The following EFTUD2 variants were observed in gnomAD, a reference collection of about 807,000 sequenced individuals.
EFTUD2 encodes 116 kDa U5 small nuclear ribonucleoprotein component.
A neutral mutation model predicts 114.3 loss-of-function variants in EFTUD2; 9 were observed. The ratio of observed to expected loss-of-function variants is 0.08; its 90% CI spans 0.05 to 0.14. The LOEUF (loss-of-function observed/expected upper bound fraction) is 0.14, where lower values mean the gene tolerates loss of function less well. Ranked by LOEUF, EFTUD2 falls within the 10% of genes least tolerant of loss-of-function variation. The pLI, the probability that EFTUD2 is intolerant of heterozygous loss-of-function variation, is 1.00. For synonymous variants in EFTUD2, 449 were observed against 462.3 expected (o/e 0.97, Z 0.37); for missense variants, 765 against 1,241.2 (o/e 0.62, Z 5.76).
chr17:44,892,000 T>C (rs1234866363), intron 2 of EFTUD2: 2 of 152,168 alleles, frequency 1.3e-5, no homozygotes, highest in Non-Finnish European at 2.9e-5. Flanking sequence ...CCTCAAGTGA[T>C]CTGCCCGCTT....
intron 18 of EFTUD2, 69 bp downstream of exon 18, chr17:44,859,836 C>T (rs1327989206): frequency 1.3e-5 from 21 of 1,602,400 alleles, no homozygotes; most frequent in East Asian, 4.5e-5. Context: ...GGATGGGAAG[C>T]GGTGTGCAGC....
intron 10 of EFTUD2, chr17:44,872,987 A>G (rs2050882545): frequency 6.5e-6 from 1 of 153,800 alleles, no homozygotes; most frequent in African/African-American, 2.4e-5. Context: ...AATGAAGAAA[A>G]GCAACTCTGC....
chr17:44,868,173 TAAA>T (rs879181467), intron 12 of EFTUD2, 111 bp downstream of exon 12: 765 of 811,698 alleles, frequency 9.4e-4, no homozygotes, highest in South Asian at 1.6e-3. Flanking sequence ...TAGTTTACAT[TAAA>T]AAAAAAAAAA....
intron 15 of EFTUD2, 198 bp from the exon 16 acceptor site, chr17:44,863,104 TC>T (rs1403176482): frequency 0.017 from 4,034 of 239,510 alleles, 7 homozygotes; most frequent in African/African-American, 0.022. Flanking sequence ...AAAAATATTC[TC>T]CTCTTTTTTT....
At chr17:44,890,490 C>T (rs1164095432) in intron 2 of EFTUD2, among the ~76,000 whole-genome samples, 2 of 151,476 alleles carry the variant, frequency 1.3e-5, no homozygotes, top group Non-Finnish European at 2.9e-5. Flanking sequence ...GTTGGGAGTT[C>T]GAGACCAGTC....
rs980699734 is a variant in EFTUD2 at position 44,859,662 on chromosome 17, A to C, written c.1860+243T>G. On this transcript the variant is annotated intron_variant, in intron 18 of 27. Transcript: ENST00000426333. Reference sequence around the variant, plus strand: ...ATACGCACACACACACACACACACAACCTTGTCCTATACCCCCCATCACTG... The same window carrying C: ...ATACGCACACACACACACACACACACCCTTGTCCTATACCCCCCATCACTG... The C allele has an allele frequency of 1.8e-6, 1 of 568,344 alleles. No homozygotes were observed. The highest frequency in any genetic ancestry group is 3.1e-6 in the Non-Finnish European group (1 of 323,502). The allele number at this position is 568,344 out of a possible 1,614,324, so 35.2% of individuals were successfully genotyped here.
Position 44,862,778 on chromosome 17 carries a change from G to A in EFTUD2, c.1542C>T (p.Tyr514=), listed in dbSNP as rs749855263. 6.2e-7 allele frequency: 1 copy of A among 1,614,192 alleles called. No individual in the cohort carries two copies. The highest frequency in any genetic ancestry group is 8.5e-7 in the Non-Finnish European group (1 of 1,180,044). The change falls in exon 16 of 28, where the codon TAC becomes TAT. Residue 514 remains tyrosine, a synonymous_variant. Transcript: ENST00000426333. ...GQPVKVLGEN[Y]TLEDEEDSQI... is the part of the protein sequence containing the mutation. ...GGGAGTCTTCCTCATCCTCCAGGGT[G>A]TAGTTCTCCCCCAGTACCTTCACAG... is the stretch of plus-strand genomic sequence containing the variant.
At chr17:44,868,186 AAAAGT>A in intron 12 of EFTUD2, 96 bp downstream of exon 12, 1 of 1,170,468 alleles carries the variant, frequency 8.5e-7, no homozygotes, top group Non-Finnish European at 1.2e-6. Flanking sequence ...AAAAAAAAAA[AAAAGT>A]AGGTATTTAA....
intron 8 of EFTUD2, 92 bp downstream of exon 8, chr17:44,880,462 A>G: frequency 1.2e-6 from 1 of 869,366 alleles, no homozygotes; most frequent in Non-Finnish European, 1.8e-6. Flanking sequence ...GTAAAAACAA[A>G]GATGCACTGC....
At chr17:44,876,713 C>T (rs2050957528) in intron 9 of EFTUD2, among the ~76,000 whole-genome samples, 1 of 151,888 alleles carries the variant, frequency 6.6e-6, no homozygotes, top group Admixed American at 6.6e-5. Context: ...ATGAGCTGGG[C>T]GTGGTGGCAG....
intron 11 of EFTUD2, among the ~76,000 whole-genome samples, chr17:44,869,048 C>T (rs901995265): frequency 6.6e-6 from 1 of 152,200 alleles, no homozygotes; most frequent in Non-Finnish European, 1.5e-5. Context: ...CAGACTGTCC[C>T]CTCACCTTGT....
At chr17:44,873,594 T>C (rs1350637303) in intron 10 of EFTUD2, among the ~76,000 whole-genome samples, 1 of 151,916 alleles carries the variant, frequency 6.6e-6, no homozygotes. Context: ...TCAAGCAATA[T>C]CCTGCTTGGC....
chr17:44,866,978 G>C (rs982981247), intron 13 of EFTUD2, among the ~76,000 whole-genome samples: 1 of 152,118 alleles, frequency 6.6e-6, no homozygotes, highest in Non-Finnish European at 1.5e-5. Flanking sequence ...ATGGTAGCTT[G>C]CACCTGCAGT....
chr17:44,873,976 C>T (rs1235266673), intron 10 of EFTUD2, among the ~76,000 whole-genome samples: 6 of 149,630 alleles, frequency 4.0e-5, no homozygotes, highest in Admixed American at 6.7e-5. Flanking sequence ...CCTCATGATC[C>T]GCCCGCCTCG....
chr17:44,876,684 C>T (rs568800411), intron 9 of EFTUD2, among the ~76,000 whole-genome samples: 5 of 151,920 alleles, frequency 3.3e-5, no homozygotes, highest in African/African-American at 7.2e-5. Flanking sequence ...AACCCTGTCT[C>T]GACTAAAAAT....
intron 10 of EFTUD2, among the ~76,000 whole-genome samples, chr17:44,873,732 C>CTT (rs1307223826): frequency 1.8e-4 from 24 of 133,262 alleles, no homozygotes; most frequent in African/African-American, 5.8e-4. Context: ...CCACTTCCTA[C>CTT]TTTTTTTTTT....
At chr17:44,869,946 T>C (rs7216587) in intron 11 of EFTUD2, among the ~76,000 whole-genome samples, 20,196 of 152,294 alleles carry the variant, frequency 0.13, 1,467 homozygotes, top group Middle Eastern at 0.17. Context: ...TTGTATTATA[T>C]TCCTAGCGAG....
chr17:44,851,517 C>A (rs1017014395), intron 27 of EFTUD2, 148 bp from the exon 28 acceptor site: 1 of 880,212 alleles, frequency 1.1e-6, no homozygotes, highest in Non-Finnish European at 1.8e-6. Flanking sequence ...AGGGTACTAT[C>A]ACATGGGAGG....
intron 2 of EFTUD2, among the ~76,000 whole-genome samples, chr17:44,891,059 C>T (rs1276308620): frequency 1.3e-5 from 2 of 152,108 alleles, no homozygotes; most frequent in Non-Finnish European, 1.5e-5. Context: ...AGTCAGTTCC[C>T]ACAGACTAGA....
Sources: gnomAD v4.1 joint callset for allele counts (sites outside exome capture counted in the v4.1 genomes callset) on GRCh38, gnomAD v4.1.1 for gene constraint, MANE v1.5 for transcripts, NCBI Gene and HGNC (gene_info 2026-07-23, HGNC 2026-07-21) for gene names.